The following SIRPG variants were observed in gnomAD, a reference collection of about 807,000 sequenced individuals.
SIRPG encodes signal regulatory protein gamma.
Under a neutral mutation model 35.7 loss-of-function variants are expected in SIRPG, and 38 were observed. That is an observed-to-expected ratio of 1.06 (90% CI 0.82 to 1.40). The LOEUF (loss-of-function observed/expected upper bound fraction) is 1.40, where lower values mean the gene tolerates loss of function less well. Ranked by LOEUF, SIRPG falls within the 40% of genes most tolerant of loss-of-function variation. The probability of loss-of-function intolerance (pLI) is 0.00; values close to 1 mark genes in which losing one functional copy is unlikely to be tolerated. For synonymous variants in SIRPG, 215 were observed against 190.4 expected, an observed-to-expected ratio of 1.13 and a Z score of -1.06; for missense variants, 519 against 483.0, an observed-to-expected ratio of 1.07 and a Z score of -0.70.
At chr20:1,680,108 T>A in the SIRPG span, among the ~76,000 whole-genome samples, 29 of 152,250 alleles carry the variant, frequency 1.9e-4, no homozygotes, top group Non-Finnish European at 3.4e-4. Flanking sequence ...CATATTCTTT[T>A]ACACATCATC....
intron 1 of SIRPG, among the ~76,000 whole-genome samples, chr20:1,652,497 C>A (rs1236629712): frequency 6.6e-6 from 1 of 152,146 alleles, no homozygotes; most frequent in Non-Finnish European, 1.5e-5. Flanking sequence ...GGATTATAAA[C>A]CATGAACAAG....
At chr20:1,681,521 C>T in the SIRPG span, among the ~76,000 whole-genome samples, 1 of 152,084 alleles carries the variant, frequency 6.6e-6, no homozygotes, top group South Asian at 2.1e-4. Context: ...GTGTCTGCCA[C>T]ATGGAGGGTG....
intron 1 of SIRPG, among the ~76,000 whole-genome samples, chr20:1,650,201 C>T: frequency 6.6e-6 from 1 of 151,748 alleles, no homozygotes; most frequent in East Asian, 1.9e-4. Flanking sequence ...GTCTTGCTTG[C>T]ATCCTTACAT....
the SIRPG span, among the ~76,000 whole-genome samples, chr20:1,684,502 T>C: frequency 0.014 from 2,199 of 152,250 alleles, 47 homozygotes; most frequent in African/African-American, 0.05. Flanking sequence ...TTAAATAAAA[T>C]TATGAAACCT....
chr20:1,681,631 G>C, the SIRPG span, among the ~76,000 whole-genome samples: 4 of 152,096 alleles, frequency 2.6e-5, no homozygotes, highest in Admixed American at 1.3e-4. Flanking sequence ...AGGAGTTTCA[G>C]ACCAGCCTGG....
chr20:1,670,582 T>C, the SIRPG span, among the ~76,000 whole-genome samples: 1 of 152,294 alleles, frequency 6.6e-6, no homozygotes, highest in African/African-American at 2.4e-5. Context: ...AGGTGCTCAT[T>C]AATCGTAGTT....
the SIRPG span, among the ~76,000 whole-genome samples, chr20:1,663,699 G>A: frequency 7.2e-5 from 11 of 152,334 alleles, no homozygotes; most frequent in South Asian, 1.0e-3. Flanking sequence ...TGAATGTTGC[G>A]TGTAAATGAA....
chr20:1,662,233 G>A (rs187411889), upstream of SIRPG, among the ~76,000 whole-genome samples: 27 of 152,328 alleles, frequency 1.8e-4, no homozygotes, highest in Admixed American at 1.6e-3. Flanking sequence ...CAGTGCCGGG[G>A]AAGGAAAGCC....
At chr20:1,678,560 T>C in the SIRPG span, among the ~76,000 whole-genome samples, 2 of 152,060 alleles carry the variant, frequency 1.3e-5, no homozygotes, top group East Asian at 3.9e-4. Context: ...TGAAAGATAA[T>C]AGAATCTAAG....
At chr20:1,646,730 C>T (rs1009937253) in intron 2 of SIRPG, 1 of 152,362 alleles carries the variant, frequency 6.6e-6, no homozygotes, top group Non-Finnish European at 1.5e-5. Flanking sequence ...TCACCGCAAC[C>T]TCCGCCTTCC....
Position 1,649,150 on chromosome 20 carries a change from G to A in SIRPG, c.332C>T (p.Pro111Leu). Residue 111 changes from proline (P) to leucine (L), a missense_variant, in exon 2 of 6, where the codon CCA (proline) becomes CTA (leucine). Coordinates refer to ENST00000303415, the MANE Select transcript of SIRPG (RefSeq NM_018556.4). ...DFSIRISSIT[P>L]ADVGTYYCVK... ...ACAGTAGTATGTGCCGACATCTGCTGGGGTGATGCTACTGATGCGGATGGA... is the reference window on the plus strand; with the variant it reads ...ACAGTAGTATGTGCCGACATCTGCTAGGGTGATGCTACTGATGCGGATGGA... The A allele has an allele frequency of 6.2e-7, 1 of 1,614,056 alleles. No homozygotes were observed. Among genetic ancestry groups the A allele is most frequent in the East Asian group, 2.2e-5 (1 of 44,868 alleles).
the SIRPG span, among the ~76,000 whole-genome samples, chr20:1,685,452 A>G: frequency 6.6e-6 from 1 of 152,256 alleles, no homozygotes; most frequent in African/African-American, 2.4e-5. Context: ...CTGAGGGAAG[A>G]ACACGTAATA....
At chr20:1,644,215 CT>C (rs1468569094) in intron 2 of SIRPG, among the ~76,000 whole-genome samples, 5 of 152,282 alleles carry the variant, frequency 3.3e-5, no homozygotes, top group African/African-American at 1.2e-4. Flanking sequence ...ACCCCTCCCC[CT>C]AGGGGCTCAG....
intron 4 of SIRPG, among the ~76,000 whole-genome samples, chr20:1,631,245 G>A (rs1013250586): frequency 3.9e-5 from 6 of 152,112 alleles, no homozygotes; most frequent in African/African-American, 1.2e-4. Flanking sequence ...TGGCTGCTGG[G>A]GTGTTGGAGG....
At chr20:1,641,767 G>A (rs1191969627) in intron 2 of SIRPG, among the ~76,000 whole-genome samples, 2 of 152,166 alleles carry the variant, frequency 1.3e-5, no homozygotes, top group Non-Finnish European at 2.9e-5. Context: ...CTTTAGCTGT[G>A]TCCCAGAGAT....
chr20:1,644,051 G>A (rs1037026548), intron 2 of SIRPG, among the ~76,000 whole-genome samples: 2 of 152,200 alleles, frequency 1.3e-5, no homozygotes, highest in South Asian at 4.1e-4. Flanking sequence ...CAGTTGGGTG[G>A]CACGGGGAGC....
rs539755946 is a variant in SIRPG at position 1,655,013 on chromosome 20, T to A, written c.73+2629A>T. ...CTCACACCTTTAAGAATGGCTATTA[T>A]CAAAAAGAGGAAATTTAGTATTGGA... On this transcript the variant is annotated intron_variant, in intron 1 of 5. Coordinates refer to ENST00000303415, the MANE Select transcript of SIRPG (RefSeq NM_018556.4). 7.9e-5 allele frequency among the ~76,000 whole-genome samples: 12 copies of A among 152,286 alleles called. No individual in the cohort carries two copies. The South Asian group carries it at 2.5e-3, about 32-fold the overall frequency.
In SIRPG at chr20:1,630,323, A is replaced by T. The variant is rs909708935; in HGVS notation, c.1082-17T>A. The T allele has an allele frequency of 1.9e-6, 3 of 1,545,044 alleles. No individual in the cohort carries two copies. The African/African-American group carries it at 4.1e-5, about 21-fold the overall frequency. ...ATGCCGGGCCTGGAAATCAGGGAAG[A>T]CGAGGGGCTATGAGAGAGACCACTT... On this transcript the variant is annotated splice_polypyrimidine_tract_variant and intron_variant, in intron 4 of 5. Coordinates refer to ENST00000303415, the MANE Select transcript of SIRPG (RefSeq NM_018556.4).
chr20:1,642,567 C>T (rs1355735722), intron 2 of SIRPG, among the ~76,000 whole-genome samples: 5 of 152,138 alleles, frequency 3.3e-5, no homozygotes, highest in South Asian at 2.1e-4. Context: ...AACCTAATTA[C>T]ATTTAAGCTT....
Sources: gnomAD v4.1 joint callset for allele counts (sites outside exome capture counted in the v4.1 genomes callset) on GRCh38, gnomAD v4.1.1 for gene constraint, MANE v1.5 for transcripts, NCBI Gene and HGNC (gene_info 2026-07-23, HGNC 2026-07-21) for gene names.